Variants in PHLPP2 observed in about 807,000 individuals in gnomAD.
The protein encoded by PHLPP2 is PH domain and leucine rich repeat protein phosphatase 2.
PHLPP2 carries 66 observed loss-of-function variants against 124.9 expected under a neutral mutation model. The observed-to-expected ratio is 0.53, with a 90% CI of 0.43 to 0.65. The LOEUF (loss-of-function observed/expected upper bound fraction) is 0.65, where lower values mean the gene tolerates loss of function less well. Ranked by LOEUF, PHLPP2 falls within the 30% of genes least tolerant of loss-of-function variation. The probability of loss-of-function intolerance (pLI) is 0.00; values close to 1 mark genes in which losing one functional copy is unlikely to be tolerated. For synonymous variants in PHLPP2, 681 were observed against 624.7 expected (o/e 1.09, Z -1.34); for missense variants, 1,685 against 1,600.4 (o/e 1.05, Z -0.90).
chr16:71,715,120 G>T (rs1355069836), intron 1 of PHLPP2: 9 of 304,544 alleles, frequency 3.0e-5, no homozygotes, highest in Non-Finnish European at 5.5e-5. Context: ...GGGGGGCCAA[G>T]GTAAGAGGAC....
At chr16:71,712,398 G>A (rs1358745892) in intron 2 of PHLPP2, among the ~76,000 whole-genome samples, 1 of 152,164 alleles carries the variant, frequency 6.6e-6, no homozygotes, top group African/African-American at 2.4e-5. Context: ...ATCACATTCG[G>A]ATTCTTAACT....
rs577517394 is a variant in PHLPP2, at chr16:71,660,170, C to T, written c.1986-1355G>A. Among the ~76,000 whole-genome samples the T allele has an allele frequency of 5.3e-5, 8 of 151,594 alleles. No individual in the cohort carries two copies. In the East Asian group the frequency reaches 1.4e-3, roughly 26 times the overall value. On this transcript the variant is annotated intron_variant, in intron 13 of 18. Transcript: ENST00000568954. ...TGATAACATTTTAGTAGATAGTATT[C>T]TCGTCTTTCTTAAGGCATGAAACTA...
At chr16:71,658,124 C>A in intron 15 of PHLPP2, 109 bp downstream of exon 15, 1 of 960,456 alleles carries the variant, frequency 1.0e-6, no homozygotes, top group Non-Finnish European at 1.5e-6. Context: ...TATAGCCTAA[C>A]TTCATTCTGT....
intron 5 of PHLPP2, 131 bp from the exon 6 acceptor site, chr16:71,682,036 T>A (rs2045005058): frequency 1.7e-6 from 1 of 588,382 alleles, no homozygotes. Context: ...TAAGATCCAA[T>A]TATTCATTTA....
intron 17 of PHLPP2, 83 bp from the exon 18 acceptor site, chr16:71,653,104 T>A: frequency 1.7e-6 from 1 of 600,234 alleles, no homozygotes; most frequent in East Asian, 3.7e-5. Flanking sequence ...CCCTTCTTTT[T>A]TTTTTTTTTT....
intron 3 of PHLPP2, among the ~76,000 whole-genome samples, chr16:71,695,335 C>T (rs1458970423): frequency 6.6e-6 from 1 of 152,132 alleles, no homozygotes; most frequent in Non-Finnish European, 1.5e-5. Context: ...AAACTGGAAA[C>T]AAAGTAAATG....
intron 9 of PHLPP2, among the ~76,000 whole-genome samples, chr16:71,673,210 T>C (rs919957578): frequency 6.6e-6 from 1 of 152,224 alleles, no homozygotes. Context: ...AGTCCTTATA[T>C]TGAACGTAAG....
chr16:71,682,696 G>A (rs972582470), intron 5 of PHLPP2, among the ~76,000 whole-genome samples: 4 of 152,036 alleles, frequency 2.6e-5, no homozygotes, highest in African/African-American at 9.7e-5. Context: ...TCTTTAAAAG[G>A]GCAGAAGAAT....
At chr16:71,700,919 T>C (rs969407008) in intron 3 of PHLPP2, among the ~76,000 whole-genome samples, 5 of 152,188 alleles carry the variant, frequency 3.3e-5, no homozygotes, top group Non-Finnish European at 7.4e-5. Context: ...TGCACGTGCA[T>C]GCATGTGTGT....
intron 3 of PHLPP2, among the ~76,000 whole-genome samples, chr16:71,702,025 T>G (rs2045237389): frequency 6.6e-6 from 1 of 152,134 alleles, no homozygotes; most frequent in Non-Finnish European, 1.5e-5. Flanking sequence ...AATGAAGAAC[T>G]AGGGTTCAAC....
intron 2 of PHLPP2, among the ~76,000 whole-genome samples, chr16:71,707,126 T>C (rs1014805463): frequency 1.5e-4 from 23 of 151,476 alleles, no homozygotes; most frequent in Admixed American, 3.9e-4. Flanking sequence ...GGCTAATTTT[T>C]TTGTATTTTT....
chr16:71,650,600 G>A (rs902653897), intron 18 of PHLPP2, among the ~76,000 whole-genome samples: 1 of 152,186 alleles, frequency 6.6e-6, no homozygotes, highest in Non-Finnish European at 1.5e-5. Context: ...AGAATAAATA[G>A]CGATCAAATC....
At chr16:71,720,651 G>A (rs2045392763) in intron 1 of PHLPP2, among the ~76,000 whole-genome samples, 2 of 150,116 alleles carry the variant, frequency 1.3e-5, no homozygotes, top group Non-Finnish European at 3.0e-5. Flanking sequence ...GATCACCTGA[G>A]GCCAGGACTT....
chr16:71,650,424 A>G (rs1479780810), intron 18 of PHLPP2, among the ~76,000 whole-genome samples: 1 of 152,222 alleles, frequency 6.6e-6, no homozygotes, highest in African/African-American at 2.4e-5. Flanking sequence ...AAGGTCACTA[A>G]AAGTGATTTC....
At chr16:71,662,453 T>A (rs995754834) in intron 13 of PHLPP2, among the ~76,000 whole-genome samples, 2 of 151,516 alleles carry the variant, frequency 1.3e-5, no homozygotes, top group African/African-American at 4.8e-5. Flanking sequence ...AATAAATAAG[T>A]TGGGTATGGT....
chr16:71,702,715 C>T lies in PHLPP2; in HGVS notation c.301G>A (p.Glu101Lys). ...TCATAAACGATCTGAAGAGGTCGTT[C>T]AGTAGGTTCCAGTCTCCTGATTACA... is the stretch of plus-strand genomic sequence containing the variant. ...GDLVRRLEPT[E>K]RPLQIVYDYL... Residue 101 changes from glutamate (E) to lysine (K), a missense_variant, in exon 3 of 19, where the codon GAA (glutamate) becomes AAA (lysine). Physicochemically the swap from Glu to Lys is moderately conservative, Grantham distance 56. Transcript: ENST00000568954. 6.2e-7 allele frequency: 1 copy of T among 1,604,126 alleles called. No homozygotes were observed. The highest frequency in any genetic ancestry group is 8.5e-7 in the Non-Finnish European group (1 of 1,172,928).
At chr16:71,722,156 G>C (rs909615425) in intron 1 of PHLPP2, among the ~76,000 whole-genome samples, 6 of 152,148 alleles carry the variant, frequency 3.9e-5, no homozygotes, top group Admixed American at 2.0e-4. Context: ...ATGAGGCCGG[G>C]CGTGGTGGCT....
At chr16:71,697,183 TAAA>T in intron 3 of PHLPP2, among the ~76,000 whole-genome samples, 1 of 39,384 alleles carries the variant, frequency 2.5e-5, no homozygotes, top group African/African-American at 7.4e-5. Flanking sequence ...AATAAATAAA[TAAA>T]TAAATAAATA....
rs2044682710 is a variant in PHLPP2 at position 71,649,784 on chromosome 16, T to C, written c.3078A>G (p.Val1026=). The change falls in exon 19 of 19, where the codon GTA becomes GTG. Residue 1026 remains valine, a synonymous_variant. Coordinates refer to ENST00000568954, the MANE Select transcript of PHLPP2 (RefSeq NM_015020.3). The stretch of plus-strand genomic sequence containing the variant: ...TATTCAAATAAACTACCATCGCCCC[T>C]ACATTGTCCTGACAGCCATAGCTCT... ...LAQSYGCQDN[V]GAMVVYLNIG... The C allele has an allele frequency of 6.2e-7, 1 of 1,614,260 alleles. No homozygotes were observed. The highest frequency in any genetic ancestry group is 8.5e-7 in the Non-Finnish European group (1 of 1,180,046).
Sources: allele counts gnomAD v4.1 joint callset (sites outside exome capture counted in the v4.1 genomes callset), GRCh38; gene constraint gnomAD v4.1.1; transcripts MANE v1.5; gene names NCBI Gene and HGNC (gene_info 2026-07-23, HGNC 2026-07-21).